The following PCDH9 variants were observed in gnomAD, a reference collection of about 807,000 sequenced individuals.
PCDH9 encodes protocadherin 9.
In PCDH9, 24 loss-of-function variants were observed where a neutral mutation model predicts 70.6. The ratio of observed to expected loss-of-function variants is 0.34; its 90% CI spans 0.25 to 0.48. The LOEUF is 0.48. Among genes scored for constraint, PCDH9 ranks in the 20% least tolerant of loss-of-function variants. The probability of loss-of-function intolerance (pLI) is 0.99; values close to 1 mark genes in which losing one functional copy is unlikely to be tolerated. For missense variants in PCDH9, 1,281 were observed against 1,503.6 expected, an observed-to-expected ratio of 0.85 and a Z score of 2.45; for synonymous variants, 562 against 558.5, an observed-to-expected ratio of 1.01 and a Z score of -0.09.
At chr13:67,090,788 C>T (rs945673027) in intron 2 of PCDH9, among the ~76,000 whole-genome samples, 2 of 152,112 alleles carry the variant, frequency 1.3e-5, no homozygotes, top group Admixed American at 6.6e-5. Flanking sequence ...TTTAGATGCT[C>T]ACATTTTTAA....
chr13:66,307,481 C>A (rs1593775041), intron 4 of PCDH9, among the ~76,000 whole-genome samples: 1 of 152,022 alleles, frequency 6.6e-6, no homozygotes, highest in South Asian at 2.1e-4. Flanking sequence ...CTTTGCCTAG[C>A]AATACTTTGT....
intron 3 of PCDH9, among the ~76,000 whole-genome samples, chr13:66,648,023 C>T (rs2077795950): frequency 6.6e-6 from 1 of 152,150 alleles, no homozygotes; most frequent in Non-Finnish European, 1.5e-5. Flanking sequence ...GCTTGGGTGC[C>T]AGCTCAACCA....
chr13:66,652,903 T>A (rs1436698840), intron 3 of PCDH9, among the ~76,000 whole-genome samples: 1 of 152,114 alleles, frequency 6.6e-6, no homozygotes, highest in Admixed American at 6.6e-5. Flanking sequence ...GAAAGGATAG[T>A]CTCTTCAATA....
chr13:67,153,453 G>GC (rs1040233463), intron 2 of PCDH9, among the ~76,000 whole-genome samples: 1 of 152,084 alleles, frequency 6.6e-6, no homozygotes, highest in African/African-American at 2.4e-5. Flanking sequence ...ATAGGAGTTG[G>GC]CCACCACTCC....
chr13:66,703,679 G>A (rs1593920953), intron 3 of PCDH9, among the ~76,000 whole-genome samples: 1 of 152,038 alleles, frequency 6.6e-6, no homozygotes, highest in East Asian at 1.9e-4. Context: ...AGGATGGCTT[G>A]AGCCCAGGAA....
intron 2 of PCDH9, among the ~76,000 whole-genome samples, chr13:67,105,995 G>T (rs2086533991): frequency 6.6e-6 from 1 of 151,840 alleles, no homozygotes; most frequent in Non-Finnish European, 1.5e-5. Context: ...CTCTAAGTCA[G>T]CTAGAAATCT....
intron 3 of PCDH9, among the ~76,000 whole-genome samples, chr13:66,842,895 T>C (rs2081140406): frequency 1.3e-5 from 2 of 152,192 alleles, no homozygotes; most frequent in African/African-American, 4.8e-5. Context: ...AATCAGGCAG[T>C]GTTTCAAAAT....
At chr13:66,767,924 G>A (rs1016539262) in intron 3 of PCDH9, among the ~76,000 whole-genome samples, 1 of 151,986 alleles carries the variant, frequency 6.6e-6, no homozygotes, top group Non-Finnish European at 1.5e-5. Flanking sequence ...TGTCTACTTC[G>A]TCTAGTACAG....
intron 4 of PCDH9, among the ~76,000 whole-genome samples, chr13:66,571,050 T>C (rs2076726531): frequency 6.6e-6 from 1 of 152,098 alleles, no homozygotes; most frequent in Non-Finnish European, 1.5e-5. Context: ...CATTTTATCC[T>C]GCTATTCTAG....
chr13:66,398,085 T>C (rs966301317), intron 4 of PCDH9, among the ~76,000 whole-genome samples: 5 of 152,088 alleles, frequency 3.3e-5, no homozygotes, highest in Non-Finnish European at 5.9e-5. Context: ...CAAAGGGTTA[T>C]ATGACTTGTC....
At chr13:66,680,480 A>G (rs2078303581) in intron 3 of PCDH9, among the ~76,000 whole-genome samples, 2 of 152,120 alleles carry the variant, frequency 1.3e-5, no homozygotes, top group South Asian at 4.1e-4. Flanking sequence ...AGTATTATAA[A>G]TTTAAAGACA....
At chr13:66,561,693 C>G (rs1262622739) in intron 4 of PCDH9, among the ~76,000 whole-genome samples, 1 of 152,110 alleles carries the variant, frequency 6.6e-6, no homozygotes, top group Non-Finnish European at 1.5e-5. Flanking sequence ...CACTCTGTAT[C>G]TAGCTAATCT....
chr13:67,198,498 A>G (rs1350921077), intron 2 of PCDH9, among the ~76,000 whole-genome samples: 1 of 151,896 alleles, frequency 6.6e-6, no homozygotes, highest in African/African-American at 2.4e-5. Flanking sequence ...TTCTTCCACC[A>G]CAACAAACAA....
intron 4 of PCDH9, among the ~76,000 whole-genome samples, chr13:66,501,873 T>C (rs1253206896): frequency 1.3e-5 from 2 of 152,108 alleles, no homozygotes; most frequent in Non-Finnish European, 2.9e-5. Flanking sequence ...ATAGTTAGTT[T>C]TTTTCTGACA....
At chr13:66,662,861 G>A (rs1237642772) in intron 3 of PCDH9, among the ~76,000 whole-genome samples, 1 of 152,178 alleles carries the variant, frequency 6.6e-6, no homozygotes, top group East Asian at 1.9e-4. Context: ...GAAAGTGAAT[G>A]AGTAGATAAG....
At chr13:66,749,630 T>C (rs1420796135) in intron 3 of PCDH9, among the ~76,000 whole-genome samples, 1 of 152,172 alleles carries the variant, frequency 6.6e-6, no homozygotes, top group Non-Finnish European at 1.5e-5. Flanking sequence ...GAGACCAGAA[T>C]TTAGAAAAAG....
intron 3 of PCDH9, among the ~76,000 whole-genome samples, chr13:66,754,782 A>G (rs1225415624): frequency 6.6e-6 from 1 of 152,140 alleles, no homozygotes; most frequent in African/African-American, 2.4e-5. Context: ...CTGGTATCCA[A>G]TTATTTTTCT....
At chr13:67,189,890 T>C (rs1350293448) in intron 2 of PCDH9, among the ~76,000 whole-genome samples, 1 of 152,000 alleles carries the variant, frequency 6.6e-6, no homozygotes, top group East Asian at 1.9e-4. Context: ...AATGTAATGT[T>C]TTAATTTACT....
At chr13:66,919,445 C>T (rs1230577255) in intron 2 of PCDH9, among the ~76,000 whole-genome samples, 1 of 151,132 alleles carries the variant, frequency 6.6e-6, no homozygotes, top group Non-Finnish European at 1.5e-5. Context: ...TCTATTTCTT[C>T]CTTGATGTCT....
Sources: gnomAD v4.1 joint callset for allele counts (sites outside exome capture counted in the v4.1 genomes callset) on GRCh38, gnomAD v4.1.1 for gene constraint, MANE v1.5 for transcripts, NCBI Gene and HGNC (gene_info 2026-07-23, HGNC 2026-07-21) for gene names.